MACROD2: variants seen among roughly 807,000 people sequenced by gnomAD.
The protein encoded by MACROD2 is mono-ADP ribosylhydrolase 2, also known as ADP-ribose glycohydrolase MACROD2.
In MACROD2, 36 loss-of-function variants were observed where a neutral mutation model predicts 70.4. The ratio of observed to expected loss-of-function variants is 0.51; its 90% CI spans 0.39 to 0.68. The LOEUF is 0.68. MACROD2 is among the 30% of genes least tolerant of loss of function. MACROD2 has a pLI of 0.00. For synonymous variants in MACROD2, 172 were observed against 178.8 expected (o/e 0.96, Z 0.30); for missense variants, 496 against 538.4 (o/e 0.92, Z 0.78).
At chr20:15,094,716 C>G (rs1243170777) in intron 5 of MACROD2, among the ~76,000 whole-genome samples, 1 of 152,024 alleles carries the variant, frequency 6.6e-6, no homozygotes. Context: ...CTTGTTCTCC[C>G]TGTGTATTTT....
rs546171639 is a variant in MACROD2 at position 15,772,167 on chromosome 20, C to G, written c.646-90578C>G. Among the ~76,000 whole-genome samples the G allele has an allele frequency of 2.5e-3, 364 of 148,038 alleles. 2 individuals are homozygous for G. The highest frequency in any genetic ancestry group is 8.8e-3 in the African/African-American group (355 of 40,568). On this transcript the variant is annotated intron_variant, in intron 8 of 17. Coordinates refer to ENST00000684519, the MANE Select transcript of MACROD2 (RefSeq NM_001351661.2). ...CAATGAGGCCATAATTTCATCCTGC[C>G]CCATGCAGAGTTAACACGTGGTCAA... is the stretch of plus-strand genomic sequence containing the variant.
At chr20:15,765,133 G>T (rs919933112) in intron 8 of MACROD2, among the ~76,000 whole-genome samples, 5 of 152,098 alleles carry the variant, frequency 3.3e-5, no homozygotes, top group Admixed American at 1.3e-4. Flanking sequence ...AGCCCTCCAT[G>T]CTCTATAGGC....
chr20:15,693,332 C>G (rs1282850777), intron 8 of MACROD2, among the ~76,000 whole-genome samples: 1 of 152,204 alleles, frequency 6.6e-6, no homozygotes. Context: ...TCTCTCTGCG[C>G]TTCACACCAA....
At chr20:14,165,312 C>T (rs953846521) in intron 3 of MACROD2, among the ~76,000 whole-genome samples, 2 of 152,198 alleles carry the variant, frequency 1.3e-5, no homozygotes, top group South Asian at 2.1e-4. Flanking sequence ...ACAGTGGGAA[C>T]GTGGACTGCT....
intron 9 of MACROD2, among the ~76,000 whole-genome samples, chr20:15,870,982 G>A (rs1016838128): frequency 3.9e-5 from 6 of 152,026 alleles, no homozygotes; most frequent in African/African-American, 1.4e-4. Context: ...TTTGAGACCA[G>A]CCTGGCAATA....
chr20:15,447,674 T>A (rs2046587392), intron 7 of MACROD2, among the ~76,000 whole-genome samples: 2 of 152,282 alleles, frequency 1.3e-5, no homozygotes, highest in Admixed American at 1.3e-4. Flanking sequence ...GACCTTGACC[T>A]TTTCTATCCC....
chr20:15,924,483 T>A lies in MACROD2; in HGVS notation c.776-8793T>A, dbSNP rs182561275. ...CAAAAATACCCAACATTTATTCATA[T>A]CTACATAGAGGAAACAACTTTTTTT... On this transcript the variant is annotated intron_variant, in intron 10 of 17. Coordinates refer to ENST00000684519, the MANE Select transcript of MACROD2 (RefSeq NM_001351661.2). Among the ~76,000 whole-genome samples, 27 of 152,332 alleles carry A rather than the reference T, an allele frequency of 1.8e-4. No homozygotes were observed. The East Asian group carries it at 4.2e-3, about 24-fold the overall frequency.
intron 3 of MACROD2, among the ~76,000 whole-genome samples, chr20:14,128,650 A>T (rs1328905803): frequency 1.3e-5 from 2 of 152,232 alleles, no homozygotes; most frequent in Non-Finnish European, 2.9e-5. Context: ...TAAGACTTTC[A>T]TAGCTAGAGA....
chr20:15,966,596 A>G (rs1250551949), intron 12 of MACROD2, among the ~76,000 whole-genome samples: 1 of 152,110 alleles, frequency 6.6e-6, no homozygotes, highest in African/African-American at 2.4e-5. Flanking sequence ...TAGAAAACTA[A>G]GTGGGCATGG....
intron 3 of MACROD2, among the ~76,000 whole-genome samples, chr20:14,449,254 G>A (rs990117776): frequency 6.6e-6 from 1 of 152,084 alleles, no homozygotes; most frequent in African/African-American, 2.4e-5. Context: ...CCAGAGAAAT[G>A]AATAGATGGT....
At chr20:15,317,638 G>GT (rs1009828442) in intron 6 of MACROD2, among the ~76,000 whole-genome samples, 6 of 151,898 alleles carry the variant, frequency 4.0e-5, no homozygotes, top group Non-Finnish European at 8.8e-5. Context: ...ATAAGTTCCA[G>GT]TCCAATGGCT....
chr20:15,631,030 T>C (rs955714458), intron 8 of MACROD2, among the ~76,000 whole-genome samples: 1 of 152,220 alleles, frequency 6.6e-6, no homozygotes, highest in African/African-American at 2.4e-5. Context: ...TATAGGAAGG[T>C]CTGCCTTTCT....
At chr20:14,135,592 C>T (rs2054784594) in intron 3 of MACROD2, among the ~76,000 whole-genome samples, 1 of 152,068 alleles carries the variant, frequency 6.6e-6, no homozygotes, top group Non-Finnish European at 1.5e-5. Context: ...GGGAAGATCA[C>T]TTGAGCCCAG....
At chr20:14,196,491 C>T (rs1430260337) in intron 3 of MACROD2, among the ~76,000 whole-genome samples, 1 of 152,210 alleles carries the variant, frequency 6.6e-6, no homozygotes, top group Non-Finnish European at 1.5e-5. Flanking sequence ...GCCCTTTCCA[C>T]TCACTATCAG....
At chr20:14,420,640 G>T (rs781589911) in intron 3 of MACROD2, among the ~76,000 whole-genome samples, 1 of 152,086 alleles carries the variant, frequency 6.6e-6, no homozygotes, top group Non-Finnish European at 1.5e-5. Flanking sequence ...GTGTAAGATA[G>T]ATGATTTGCA....
chr20:15,557,798 G>T (rs931798370), intron 8 of MACROD2, among the ~76,000 whole-genome samples: 1 of 152,150 alleles, frequency 6.6e-6, no homozygotes, highest in African/African-American at 2.4e-5. Flanking sequence ...TGGTCTCTGA[G>T]CTATTTGTTT....
chr20:14,124,806 G>T (rs1569169077), intron 3 of MACROD2, among the ~76,000 whole-genome samples: 1 of 152,088 alleles, frequency 6.6e-6, no homozygotes, highest in Non-Finnish European at 1.5e-5. Context: ...TAGGTATAAT[G>T]CCCAAGAGAA....
At chr20:14,515,970 AT>A (rs1328451642) in intron 4 of MACROD2, among the ~76,000 whole-genome samples, 6 of 147,720 alleles carry the variant, frequency 4.1e-5, no homozygotes, top group Admixed American at 1.4e-4. Context: ...TATATAATAT[AT>A]TTTATATAAA....
At chr20:15,122,502 A>T (rs2076037817) in intron 5 of MACROD2, among the ~76,000 whole-genome samples, 1 of 152,214 alleles carries the variant, frequency 6.6e-6, no homozygotes, top group Non-Finnish European at 1.5e-5. Context: ...AGGTATTTCT[A>T]CACTTGCTTA....
Sources: allele counts gnomAD v4.1 joint callset (sites outside exome capture counted in the v4.1 genomes callset), GRCh38; gene constraint gnomAD v4.1.1; transcripts MANE v1.5; gene names NCBI Gene and HGNC (gene_info 2026-07-23, HGNC 2026-07-21).